Variants in PBX3 observed in about 807,000 individuals in gnomAD.
PBX3 encodes pre-B-cell leukemia transcription factor 3.
In PBX3, 14 loss-of-function variants were observed where a neutral mutation model predicts 48.5. The ratio of observed to expected loss-of-function variants is 0.29; its 90% CI spans 0.19 to 0.45. PBX3 has a LOEUF of 0.45. Among genes scored for constraint, PBX3 ranks in the 20% least tolerant of loss-of-function variants. The pLI, the probability that PBX3 is intolerant of heterozygous loss-of-function variation, is 1.00. For missense variants in PBX3, 386 were observed against 546.7 expected (o/e 0.71, Z 2.93); for synonymous variants, 210 against 200.3 (o/e 1.05, Z -0.41).
intron 5 of PBX3, among the ~76,000 whole-genome samples, chr9:125,942,260 C>T (rs1841972554): frequency 6.6e-6 from 1 of 152,046 alleles, no homozygotes; most frequent in Admixed American, 6.5e-5. Context: ...TTTTTTCTTG[C>T]AAGAGGCAGT....
chr9:125,809,129 CA>C (rs1367372079), intron 2 of PBX3, among the ~76,000 whole-genome samples: 1 of 152,156 alleles, frequency 6.6e-6, no homozygotes, highest in Non-Finnish European at 1.5e-5. Flanking sequence ...ACCTGTTAAC[CA>C]TATAAGAGCT....
intron 2 of PBX3, among the ~76,000 whole-genome samples, chr9:125,770,115 T>TG (rs1016347699): frequency 3.9e-5 from 6 of 152,048 alleles, no homozygotes; most frequent in South Asian, 4.2e-4. Context: ...ATTTGGATGG[T>TG]GGGGGGGATG....
At chr9:125,757,596 C>A (rs1200843127) in intron 2 of PBX3, among the ~76,000 whole-genome samples, 1 of 151,986 alleles carries the variant, frequency 6.6e-6, no homozygotes, top group South Asian at 2.1e-4. Flanking sequence ...GATCTTGGGT[C>A]TAGGATTAAC....
At chr9:125,955,719 G>C (rs756362311) in intron 5 of PBX3, among the ~76,000 whole-genome samples, 8 of 152,214 alleles carry the variant, frequency 5.3e-5, no homozygotes, top group Non-Finnish European at 1.0e-4. Context: ...TCTCAGACCT[G>C]CTGGGATATC....
intron 2 of PBX3, among the ~76,000 whole-genome samples, chr9:125,847,781 A>G (rs1839467340): frequency 6.7e-6 from 1 of 148,514 alleles, no homozygotes; most frequent in Non-Finnish European, 1.5e-5. Flanking sequence ...TGAATCTTCT[A>G]TAGTAGGCTA....
At chr9:125,934,743 C>T (rs1277966839) in intron 4 of PBX3, among the ~76,000 whole-genome samples, 2 of 151,922 alleles carry the variant, frequency 1.3e-5, no homozygotes, top group African/African-American at 4.8e-5. Context: ...CTCACTCACT[C>T]CTCCCATTCA....
chr9:125,891,408 C>T (rs540112929), intron 2 of PBX3, among the ~76,000 whole-genome samples: 2 of 152,150 alleles, frequency 1.3e-5, no homozygotes, highest in South Asian at 2.1e-4. Flanking sequence ...ATGGCAGTTC[C>T]GTGAGGTTCA....
At chr9:125,813,692 T>C (rs1838365328) in intron 2 of PBX3, among the ~76,000 whole-genome samples, 1 of 152,198 alleles carries the variant, frequency 6.6e-6, no homozygotes, top group Non-Finnish European at 1.5e-5. Flanking sequence ...GTTCCCAGCT[T>C]ATCTTGTCTT....
chr9:125,947,406 CG>C (rs1158076538), intron 5 of PBX3, among the ~76,000 whole-genome samples: 1 of 151,866 alleles, frequency 6.6e-6, no homozygotes, highest in Non-Finnish European at 1.5e-5. Context: ...TTACGTTTTC[CG>C]GGAAAGATGG....
intron 2 of PBX3, among the ~76,000 whole-genome samples, chr9:125,885,632 C>T (rs1001953619): frequency 1.4e-4 from 21 of 152,004 alleles, no homozygotes; most frequent in African/African-American, 4.3e-4. Flanking sequence ...CTATTACTCG[C>T]GAAGGTAGTT....
At chr9:125,858,646 A>G (rs867156289) in intron 2 of PBX3, among the ~76,000 whole-genome samples, 63 of 140,402 alleles carry the variant, frequency 4.5e-4, no homozygotes, top group African/African-American at 1.7e-3. Flanking sequence ...TTTTTTCAAG[A>G]TGAAGTTTCA....
intron 2 of PBX3, among the ~76,000 whole-genome samples, chr9:125,764,011 G>T (rs919261885): frequency 5.3e-5 from 8 of 152,152 alleles, no homozygotes; most frequent in Non-Finnish European, 8.8e-5. Context: ...CTTCATGTCA[G>T]AATAATTAGT....
chr9:125,898,246 G>A (rs1010697677), intron 2 of PBX3, among the ~76,000 whole-genome samples: 6 of 151,524 alleles, frequency 4.0e-5, no homozygotes, highest in African/African-American at 1.4e-4. Flanking sequence ...AACCTCTCCC[G>A]ACCTCTACCT....
chr9:125,780,505 G>A lies in PBX3; in HGVS notation c.274+31882G>A, dbSNP rs547502819. On this transcript the variant is annotated intron_variant, in intron 2 of 8. Coordinates refer to ENST00000373489, the MANE Select transcript of PBX3 (RefSeq NM_006195.6). ...TCCCTCCCGGACGGGGCGTCTGGCCGGGTGGGGGGCTAACTCCCCCACCTC... is the reference window on the plus strand; with the variant it reads ...TCCCTCCCGGACGGGGCGTCTGGCCAGGTGGGGGGCTAACTCCCCCACCTC... Among the ~76,000 whole-genome samples, 26 of 135,534 alleles carry A rather than the reference G, an allele frequency of 1.9e-4. 1 individual carries two copies. In the South Asian group the frequency reaches 5.4e-3, roughly 28 times the overall value. The allele number at this position is 135,534 out of a possible 152,430, so 88.9% of individuals were successfully genotyped here.
At chr9:125,919,911 G>A (rs1433776013) in intron 3 of PBX3, among the ~76,000 whole-genome samples, 1 of 152,076 alleles carries the variant, frequency 6.6e-6, no homozygotes, top group Admixed American at 6.5e-5. Flanking sequence ...TTTTAGAGAT[G>A]GTATTGTCTT....
At chr9:125,775,524 T>C (rs1365685974) in intron 2 of PBX3, among the ~76,000 whole-genome samples, 1 of 152,242 alleles carries the variant, frequency 6.6e-6, no homozygotes, top group African/African-American at 2.4e-5. Context: ...TTGAATGTTT[T>C]TGCACCTTTG....
chr9:125,795,190 G>T (rs1837741954), intron 2 of PBX3, among the ~76,000 whole-genome samples: 1 of 152,158 alleles, frequency 6.6e-6, no homozygotes, highest in Admixed American at 6.5e-5. Context: ...AAACCCTTTT[G>T]GTAGGGTCCC....
intron 2 of PBX3, among the ~76,000 whole-genome samples, chr9:125,832,269 G>C (rs138439151): frequency 0.059 from 8,974 of 151,170 alleles, 614 homozygotes; most frequent in East Asian, 0.17. Flanking sequence ...GATCTCGGCT[G>C]ACTGCAAGCT....
chr9:125,841,904 G>C (rs746449973), intron 2 of PBX3, among the ~76,000 whole-genome samples: 1 of 152,092 alleles, frequency 6.6e-6, no homozygotes, highest in Non-Finnish European at 1.5e-5. Context: ...CTCAGTGCTT[G>C]TGCTTTTCAG....
Sources: allele counts gnomAD v4.1 joint callset (sites outside exome capture counted in the v4.1 genomes callset), GRCh38; gene constraint gnomAD v4.1.1; transcripts MANE v1.5; gene names NCBI Gene and HGNC (gene_info 2026-07-23, HGNC 2026-07-21).